CAMK2D: variants seen among roughly 807,000 people sequenced by gnomAD.
The protein encoded by CAMK2D is calcium/calmodulin dependent protein kinase II delta.
Under a neutral mutation model 84.0 loss-of-function variants are expected in CAMK2D, and 37 were observed. That is an observed-to-expected ratio of 0.44 (90% CI 0.34 to 0.58). The LOEUF (loss-of-function observed/expected upper bound fraction) is 0.58. CAMK2D is among the 20% of genes least tolerant of loss of function. The pLI, the probability that CAMK2D is intolerant of heterozygous loss-of-function variation, is 0.02. For synonymous variants in CAMK2D, 202 were observed against 212.5 expected (o/e 0.95, Z 0.43); for missense variants, 448 against 652.5 (o/e 0.69, Z 3.41).
intron 2 of CAMK2D, among the ~76,000 whole-genome samples, chr4:113,748,240 T>G (rs920598522): frequency 2.6e-5 from 4 of 152,036 alleles, no homozygotes; most frequent in African/African-American, 9.7e-5. Flanking sequence ...ACTTTTGTCC[T>G]TTGTACCTTC....
intron 2 of CAMK2D, among the ~76,000 whole-genome samples, chr4:113,699,862 T>C (rs1435833782): frequency 6.6e-6 from 1 of 152,176 alleles, no homozygotes; most frequent in Non-Finnish European, 1.5e-5. Flanking sequence ...AGTCATTCTT[T>C]TAGAAAACTA....
chr4:113,590,173 A>T, intron 4 of CAMK2D, among the ~76,000 whole-genome samples: 1 of 152,220 alleles, frequency 6.6e-6, no homozygotes, highest in East Asian at 1.9e-4. Context: ...GTAGAATCTT[A>T]AACATTCACT....
chr4:113,601,169 C>T (rs948859583), intron 4 of CAMK2D, among the ~76,000 whole-genome samples: 44 of 152,150 alleles, frequency 2.9e-4, no homozygotes, highest in African/African-American at 1.0e-3. Context: ...AAAGTTTTCA[C>T]GAACATAAAG....
chr4:113,565,512 G>T (rs1313857557), intron 4 of CAMK2D, among the ~76,000 whole-genome samples: 1 of 151,986 alleles, frequency 6.6e-6, no homozygotes, highest in Non-Finnish European at 1.5e-5. Context: ...TCAGCTGGGC[G>T]TGGTGGTGCA....
At chr4:113,673,871 C>T (rs898862872) in intron 2 of CAMK2D, among the ~76,000 whole-genome samples, 4 of 152,196 alleles carry the variant, frequency 2.6e-5, no homozygotes, top group Non-Finnish European at 5.9e-5. Context: ...AAAGACACAG[C>T]AAAGCTCTGA....
At chr4:113,587,234 A>T (rs1188724770) in intron 4 of CAMK2D, among the ~76,000 whole-genome samples, 1 of 152,200 alleles carries the variant, frequency 6.6e-6, no homozygotes, top group East Asian at 1.9e-4. Context: ...GACAATGTGT[A>T]TATGCTTGTC....
intron 3 of CAMK2D, among the ~76,000 whole-genome samples, chr4:113,661,129 A>G (rs1238788432): frequency 6.6e-6 from 1 of 152,198 alleles, no homozygotes; most frequent in Non-Finnish European, 1.5e-5. Flanking sequence ...ACATAAAAGC[A>G]CTATTCAAAT....
At chr4:113,609,076 A>G in intron 4 of CAMK2D, 76 bp downstream of exon 4, 1 of 795,996 alleles carries the variant, frequency 1.3e-6, no homozygotes, top group Admixed American at 1.8e-5. Flanking sequence ...TTTGGACTGT[A>G]CAGTGAGAAA....
At chr4:113,486,650 AC>A (rs747176276) in intron 16 of CAMK2D, among the ~76,000 whole-genome samples, 42 of 152,186 alleles carry the variant, frequency 2.8e-4, no homozygotes, top group Non-Finnish European at 5.7e-4. Context: ...TTTTTCTTAT[AC>A]CCAATCTCTG....
intron 2 of CAMK2D, among the ~76,000 whole-genome samples, chr4:113,757,899 A>G (rs989658873): frequency 3.3e-5 from 5 of 152,156 alleles, no homozygotes; most frequent in African/African-American, 1.2e-4. Context: ...CTAATTAAGA[A>G]AGTTAGTAAA....
intron 4 of CAMK2D, among the ~76,000 whole-genome samples, chr4:113,588,140 G>A (rs1236217243): frequency 2.0e-5 from 3 of 151,820 alleles, no homozygotes; most frequent in Non-Finnish European, 2.9e-5. Context: ...ATGTATATAC[G>A]TTGCATGTTT....
At chr4:113,611,330 C>T (rs2098999486) in intron 3 of CAMK2D, among the ~76,000 whole-genome samples, 1 of 152,128 alleles carries the variant, frequency 6.6e-6, no homozygotes, top group South Asian at 2.1e-4. Flanking sequence ...AGATATCTCA[C>T]TTAGCAGCTA....
intron 4 of CAMK2D, among the ~76,000 whole-genome samples, chr4:113,552,833 A>C (rs989167586): frequency 1.3e-5 from 2 of 152,210 alleles, no homozygotes; most frequent in Non-Finnish European, 2.9e-5. Flanking sequence ...TAGAGCAGAC[A>C]GGGCAAATCA....
chr4:113,694,117 G>A (rs557829519), intron 2 of CAMK2D, among the ~76,000 whole-genome samples: 7 of 152,084 alleles, frequency 4.6e-5, no homozygotes, highest in Non-Finnish European at 7.4e-5. Context: ...AGGGGTAGGC[G>A]GATTAATACA....
intron 4 of CAMK2D, among the ~76,000 whole-genome samples, chr4:113,568,947 T>C (rs1399627647): frequency 6.6e-6 from 1 of 152,226 alleles, no homozygotes; most frequent in East Asian, 1.9e-4. Flanking sequence ...GCTTTTTTGT[T>C]GTTGTTAAGT....
intron 4 of CAMK2D, among the ~76,000 whole-genome samples, chr4:113,592,884 T>A (rs2098898345): frequency 2.6e-5 from 4 of 152,192 alleles, no homozygotes. Context: ...AGACAGAGTC[T>A]CTTGCTCTAC....
At chr4:113,692,807 C>CT (rs2099392140) in intron 2 of CAMK2D, among the ~76,000 whole-genome samples, 1 of 146,114 alleles carries the variant, frequency 6.8e-6, no homozygotes, top group Non-Finnish European at 1.5e-5. Flanking sequence ...ATCTACCTAT[C>CT]TATCTATCTT....
intron 4 of CAMK2D, among the ~76,000 whole-genome samples, chr4:113,597,914 G>A (rs1286617658): frequency 6.6e-6 from 1 of 152,160 alleles, no homozygotes; most frequent in Non-Finnish European, 1.5e-5. Flanking sequence ...TGAGGAAAGG[G>A]AAAGAATGGG....
chr4:113,547,737 G>GCGTGTGTTA (rs2098593518), intron 5 of CAMK2D, 21 bp from the exon 6 acceptor site: 1 of 1,506,474 alleles, frequency 6.6e-7, no homozygotes, highest in African/African-American at 1.4e-5. Flanking sequence ...ACACCAGGGG[G>GCGTGTGTTA]CGTGTGTTAG....
Sources: gnomAD v4.1 joint callset for allele counts (sites outside exome capture counted in the v4.1 genomes callset) on GRCh38, gnomAD v4.1.1 for gene constraint, MANE v1.5 for transcripts, NCBI Gene and HGNC (gene_info 2026-07-23, HGNC 2026-07-21) for gene names.